The following PSD2 variants were observed in gnomAD, a reference collection of about 807,000 sequenced individuals.
PSD2 encodes the protein PH and SEC7 domain-containing protein 2.
PSD2 carries 38 observed loss-of-function variants against 69.8 expected under a neutral mutation model. The ratio of observed to expected loss-of-function variants is 0.54; its 90% CI spans 0.42 to 0.71. PSD2 has a LOEUF of 0.71. Among genes scored for constraint, PSD2 ranks in the 30% least tolerant of loss-of-function variants. PSD2 has a pLI of 0.00. For synonymous variants in PSD2, 412 were observed against 423.0 expected (o/e 0.97, Z 0.32); for missense variants, 943 against 1,014.5 (o/e 0.93, Z 0.96).
At position 139,804,058 on chromosome 5, in the gene PSD2, C is replaced by A. The variant is rs148921657; in HGVS notation, c.-50-5333C>A. ...CTAGGCCCCATTGCGGTGTGGGCAT[C>A]GCTGTTCAGGGTCTGTTTTGACACT... On this transcript the variant is annotated intron_variant, in intron 1 of 14. Coordinates refer to ENST00000274710, the MANE Select transcript of PSD2 (RefSeq NM_032289.4). Among the ~76,000 whole-genome samples the A allele has an allele frequency of 9.2e-5, 14 of 152,304 alleles. No homozygotes were observed. The East Asian group carries it at 2.7e-3, about 29-fold the overall frequency.
chr5:139,768,059 C>T, the PSD2 span, among the ~76,000 whole-genome samples: 3 of 152,252 alleles, frequency 2.0e-5, no homozygotes, highest in East Asian at 5.8e-4. Flanking sequence ...AGATATCTGG[C>T]CCCCCGCCAG....
intron 1 of PSD2, 79 bp from the exon 2 acceptor site, chr5:139,809,312 C>T (rs1330487175): frequency 8.8e-7 from 1 of 1,132,376 alleles, no homozygotes; most frequent in Non-Finnish European, 1.2e-6. Context: ...GCTGCTCTGC[C>T]ACTGGTTCTG....
At chr5:139,797,513 G>GA (rs796537889) in intron 1 of PSD2, among the ~76,000 whole-genome samples, 53 of 152,326 alleles carry the variant, frequency 3.5e-4, no homozygotes, top group African/African-American at 1.2e-3. Context: ...GTCCTGGTCT[G>GA]ACAACTATGG....
Position 139,817,461 on chromosome 5 carries a change from A to T in PSD2, c.1017-20A>T, listed in dbSNP as rs371792247. On this transcript the variant is annotated intron_variant, in intron 4 of 14. Transcript: ENST00000274710. ...GGGCTGGACCCTGCTTCTAACAGAC[A>T]TCCCATACTCTCCTGGCAGCAACGA... The T allele has an allele frequency of 1.9e-5, 31 of 1,609,608 alleles. No homozygotes were observed. The African/African-American group carries it at 3.7e-4, about 19-fold the overall frequency.
At chr5:139,792,696 GTCTT>G (rs1392248308), upstream of PSD2, among the ~76,000 whole-genome samples, 2 of 152,032 alleles carry the variant, frequency 1.3e-5, no homozygotes, top group Admixed American at 6.6e-5. Flanking sequence ...TGACCCTGCT[GTCTT>G]TCTTTCTCTT....
At chr5:139,762,053 C>CT in the PSD2 span, among the ~76,000 whole-genome samples, 5 of 151,894 alleles carry the variant, frequency 3.3e-5, no homozygotes, top group South Asian at 2.1e-4. Flanking sequence ...ATTTATTTAT[C>CT]TTTTTTTTGA....
chr5:139,812,634 G>A (rs1759999906), intron 2 of PSD2, among the ~76,000 whole-genome samples: 1 of 152,186 alleles, frequency 6.6e-6, no homozygotes, highest in African/African-American at 2.4e-5. Context: ...CCCGGAGCAG[G>A]AGGCCAGTGT....
At chr5:139,755,124 C>T in the PSD2 span, among the ~76,000 whole-genome samples, 3 of 152,162 alleles carry the variant, frequency 2.0e-5, no homozygotes, top group Admixed American at 6.5e-5. Flanking sequence ...GCCATCTGCC[C>T]CAGCCTCATG....
In PSD2 at chr5:139,814,480, A is replaced by T; in HGVS notation, c.1016+116A>T. 1 of 904,032 alleles carries T rather than the reference A, an allele frequency of 1.1e-6. No homozygotes were observed. Among genetic ancestry groups the T allele is most frequent in the Non-Finnish European group, 1.6e-6 (1 of 627,260 alleles). 56.0% of individuals were successfully genotyped at this position (904,032 alleles called of 1,614,324 possible). On this transcript the variant is annotated intron_variant, in intron 4 of 14. Coordinates refer to ENST00000274710, the MANE Select transcript of PSD2 (RefSeq NM_032289.4). The surrounding 1 kb of genome is among the most constrained non-coding windows in gnomAD (Gnocchi z 4.4). ...CAGGTGCTGGGGGGGCACTCCCAAC[A>T]GTTCCCCAAGGACACCTCCTCCCGC...
chr5:139,827,649 A>G (rs560812317), intron 7 of PSD2, among the ~76,000 whole-genome samples: 15 of 152,346 alleles, frequency 9.8e-5, no homozygotes, highest in Admixed American at 8.5e-4. Flanking sequence ...TCATTGACTC[A>G]CAGTTCCACA....
intron 7 of PSD2, among the ~76,000 whole-genome samples, chr5:139,827,184 G>A (rs1760446066): frequency 1.3e-5 from 2 of 152,212 alleles, no homozygotes; most frequent in Admixed American, 1.3e-4. Context: ...ATACATAATG[G>A]GAAAAGGGTT....
intron 1 of PSD2, among the ~76,000 whole-genome samples, chr5:139,805,641 G>A (rs1759785352): frequency 6.6e-6 from 1 of 152,180 alleles, no homozygotes; most frequent in African/African-American, 2.4e-5. Context: ...TTTCTCAGGA[G>A]GCAGTGTTGG....
the PSD2 span, among the ~76,000 whole-genome samples, chr5:139,778,028 A>G: frequency 1.3e-5 from 2 of 152,370 alleles, no homozygotes; most frequent in East Asian, 3.9e-4. Flanking sequence ...CCCCATGGGC[A>G]GGGCCTCTTT....
chr5:139,814,372 T>C lies in PSD2; in HGVS notation c.1016+8T>C. On this transcript the variant is annotated splice_region_variant and intron_variant, in intron 4 of 14. Transcript: ENST00000274710. The surrounding 1 kb of genome is among the most constrained non-coding windows in gnomAD (Gnocchi z 4.4). ...CCGGCAGCTGGGCAAGAAGTGAGTGTGAGCTCCCCTGCCCCCAACCCTGGG... is the reference window on the plus strand; with the variant it reads ...CCGGCAGCTGGGCAAGAAGTGAGTGCGAGCTCCCCTGCCCCCAACCCTGGG... 1 of 1,590,080 alleles carries C rather than the reference T, an allele frequency of 6.3e-7. No homozygotes were observed. The highest frequency in any genetic ancestry group is 8.6e-7 in the Non-Finnish European group (1 of 1,167,722).
intron 5 of PSD2, among the ~76,000 whole-genome samples, chr5:139,818,973 T>C (rs1039609151): frequency 3.3e-5 from 5 of 152,242 alleles, no homozygotes; most frequent in African/African-American, 7.2e-5. Flanking sequence ...TTTTTGAACA[T>C]ATTAGTTGTA....
chr5:139,792,416 G>A (rs970580716), upstream of PSD2, among the ~76,000 whole-genome samples: 1 of 152,144 alleles, frequency 6.6e-6, no homozygotes, highest in African/African-American at 2.4e-5. Flanking sequence ...CATGCCCAAT[G>A]CAGCTGGCCC....
the PSD2 span, among the ~76,000 whole-genome samples, chr5:139,756,691 C>T: frequency 6.6e-6 from 1 of 152,136 alleles, no homozygotes; most frequent in Non-Finnish European, 1.5e-5. Flanking sequence ...ACTGTGTTGT[C>T]TTACAAGGGT....
chr5:139,760,450 C>G, the PSD2 span, among the ~76,000 whole-genome samples: 1 of 152,174 alleles, frequency 6.6e-6, no homozygotes, highest in Admixed American at 6.5e-5. Flanking sequence ...CTGTCAGGGT[C>G]CAGCCACTGG....
chr5:139,790,338 G>T, the PSD2 span, among the ~76,000 whole-genome samples: 43 of 152,210 alleles, frequency 2.8e-4, no homozygotes, highest in East Asian at 8.1e-3. Context: ...GTCAGCACTT[G>T]GGTGTTGGGG....
Sources: allele counts gnomAD v4.1 joint callset (sites outside exome capture counted in the v4.1 genomes callset), GRCh38; gene constraint gnomAD v4.1.1; non-coding constraint Gnocchi (gnomAD v3.1); transcripts MANE v1.5; gene names NCBI Gene and HGNC (gene_info 2026-07-23, HGNC 2026-07-21).